The following PRRC2B variants were observed in gnomAD, a reference collection of about 807,000 sequenced individuals.
The protein encoded by PRRC2B is protein PRRC2B.
PRRC2B carries 68 observed loss-of-function variants against 242.3 expected under a neutral mutation model. The observed-to-expected ratio is 0.28, with a 90% CI of 0.23 to 0.34. The LOEUF is 0.34. PRRC2B is among the 10% of genes least tolerant of loss of function. The probability of loss-of-function intolerance (pLI) is 1.00; values close to 1 mark genes in which losing one functional copy is unlikely to be tolerated. For missense variants in PRRC2B, 2,835 were observed against 2,954.8 expected (o/e 0.96, Z 0.94); for synonymous variants, 1,228 against 1,173.6 (o/e 1.05, Z -0.95).
At chr9:131,439,771 G>A (rs576474866) in intron 5 of PRRC2B, among the ~76,000 whole-genome samples, 2 of 152,278 alleles carry the variant, frequency 1.3e-5, no homozygotes, top group South Asian at 2.1e-4. Flanking sequence ...GGTACAGATC[G>A]AGTGCCAGCA....
chr9:131,392,302 T>C (rs1836912317), upstream of PRRC2B, among the ~76,000 whole-genome samples: 1 of 151,934 alleles, frequency 6.6e-6, no homozygotes, highest in Non-Finnish European at 1.5e-5. Context: ...TTTCACCATA[T>C]TGGTCAGGCT....
upstream of PRRC2B, among the ~76,000 whole-genome samples, chr9:131,393,909 C>G (rs1446148265): frequency 6.6e-6 from 1 of 151,220 alleles, no homozygotes; most frequent in African/African-American, 2.4e-5. Context: ...CGCCCCTCCC[C>G]CCTGGCCCCA....
At chr9:131,404,703 A>C (rs1837320109) in intron 1 of PRRC2B, among the ~76,000 whole-genome samples, 1 of 152,198 alleles carries the variant, frequency 6.6e-6, no homozygotes, top group African/African-American at 2.4e-5. Context: ...TCACGTGATA[A>C]AATGTCTCAG....
At chr9:131,402,485 T>C (rs1837252823) in intron 1 of PRRC2B, among the ~76,000 whole-genome samples, 1 of 152,234 alleles carries the variant, frequency 6.6e-6, no homozygotes, top group African/African-American at 2.4e-5. Context: ...ACATTTTATT[T>C]ATTCATTCAG....
intron 1 of PRRC2B, among the ~76,000 whole-genome samples, chr9:131,415,704 T>C (rs180794912): frequency 3.3e-5 from 5 of 152,198 alleles, no homozygotes; most frequent in African/African-American, 1.2e-4. Flanking sequence ...TCATTGTTGC[T>C]CCTGAGAACT....
At chr9:131,450,801 T>C (rs772782087) in intron 9 of PRRC2B, among the ~76,000 whole-genome samples, 1 of 152,044 alleles carries the variant, frequency 6.6e-6, no homozygotes, top group East Asian at 1.9e-4. Flanking sequence ...TTGGCCAGGC[T>C]GATCTCGAAC....
upstream of PRRC2B, among the ~76,000 whole-genome samples, chr9:131,390,733 C>T (rs1314987935): frequency 7.5e-5 from 11 of 145,718 alleles, no homozygotes; most frequent in African/African-American, 2.5e-4. Flanking sequence ...CCACCTGCCT[C>T]GGCCTCCCAA....
upstream of PRRC2B, among the ~76,000 whole-genome samples, chr9:131,389,847 C>G (rs1836874407): frequency 6.7e-6 from 1 of 148,730 alleles, no homozygotes. Context: ...GGTAGAAACT[C>G]TTAGGCACCA....
At chr9:131,477,973 G>T in intron 17 of PRRC2B, 24 bp downstream of exon 17, 1 of 1,604,732 alleles carries the variant, frequency 6.2e-7, no homozygotes, top group South Asian at 1.1e-5. Context: ...ATATCTTCAG[G>T]GGAAAGAACT....
chr9:131,416,514 C>G (rs1229737017), intron 1 of PRRC2B, among the ~76,000 whole-genome samples: 4 of 152,102 alleles, frequency 2.6e-5, no homozygotes, highest in Non-Finnish European at 5.9e-5. Context: ...TTAAACACAT[C>G]TTATGTTAGT....
intron 1 of PRRC2B, among the ~76,000 whole-genome samples, chr9:131,402,946 G>A (rs1203835398): frequency 2.6e-5 from 4 of 152,176 alleles, no homozygotes; most frequent in South Asian, 2.1e-4. Flanking sequence ...CCGGGAAGCC[G>A]GCGTCAACTT....
At chr9:131,479,581 C>A (rs975925416) in intron 19 of PRRC2B, among the ~76,000 whole-genome samples, 188 bp downstream of exon 19, 30 of 132,564 alleles carry the variant, frequency 2.3e-4, no homozygotes, top group African/African-American at 8.0e-4. Flanking sequence ...CTGCAACCCC[C>A]AAACGGATAC....
Position 131,432,706 on chromosome 9 carries a change from G to C in PRRC2B, c.205G>C (p.Glu69Gln). The C allele has an allele frequency of 4.4e-6, 7 of 1,597,274 alleles. No homozygotes were observed. The highest frequency in any genetic ancestry group is 1.1e-5 in the South Asian group (1 of 90,860). The change falls in exon 3 of 32, where the codon GAA becomes CAA. Residue 69 changes from glutamate (E) to glutamine (Q), a missense_variant. This residue lies in a region of PRRC2B where 626 missense variants were observed against 685.5 expected (regional missense o/e 0.91). Transcript: ENST00000683519. ...TGCAAACCTGCCAAGCTTGAAGTCTGAAAACAAAGGAAACGACCCCAACAT... is the reference window on the plus strand; with the variant it reads ...TGCAAACCTGCCAAGCTTGAAGTCTCAAAACAAAGGAAACGACCCCAACAT... ...PPANLPSLKS[E>Q]NKGNDPNIVI...
chr9:131,459,592 A>C (rs2994070), intron 11 of PRRC2B, among the ~76,000 whole-genome samples: 133,882 of 152,010 alleles, frequency 0.88, 59,488 homozygotes, highest in South Asian at 0.97. Flanking sequence ...GGCTGTTCTT[A>C]CTTTTTTTAA....
Position 131,498,974 on chromosome 9 carries a change from T to G in PRRC2B, c.*3100T>G, listed in dbSNP as rs569165277. 1 of 152,318 alleles carries G rather than the reference T, an allele frequency of 6.6e-6. No individual in the cohort carries two copies. Among genetic ancestry groups the G allele is most frequent in the Admixed American group, 6.5e-5 (1 of 15,306 alleles). The allele number at this position is 152,318 out of a possible 1,614,324, so 9.4% of individuals were successfully genotyped here. ...ACTGTTGGCTTCTCCCCACAGCGTT[T>G]TTTGTTTTTTTTTAAACATTCATAT... On this transcript the variant is annotated 3_prime_UTR_variant, in exon 32 of 32. Transcript: ENST00000683519.
rs180782233 is a variant in PRRC2B at position 131,447,571 on chromosome 9, C to G, written c.978-91C>G. 1,122 of 1,234,574 alleles carry G rather than the reference C, an allele frequency of 9.1e-4. 9 individuals are homozygous for G. In the African/African-American group the frequency reaches 0.016, roughly 17 times the overall value. The allele number at this position is 1,234,574 out of a possible 1,614,324, so 76.5% of individuals were successfully genotyped here. A position where few individuals can be genotyped will look rare whatever the true frequency, so the allele number is the denominator to read the frequency against. The stretch of plus-strand genomic sequence containing the variant: ...AGAAATAATTAAATCAAACATGAAC[C>G]TTTGCAGTGTGGAATTTATTTTTGG... On this transcript the variant is annotated intron_variant, in intron 8 of 31. Coordinates refer to ENST00000683519, the MANE Select transcript of PRRC2B (RefSeq NM_013318.4).
chr9:131,431,640 G>A (rs562654682), intron 2 of PRRC2B, among the ~76,000 whole-genome samples: 1,519 of 149,094 alleles, frequency 0.01, 22 homozygotes, highest in Non-Finnish European at 0.013. Context: ...TGGATGGAGT[G>A]CAGTGGCGCA....
At chr9:131,434,307 C>T (rs1228080112) in intron 3 of PRRC2B, among the ~76,000 whole-genome samples, 1 of 152,250 alleles carries the variant, frequency 6.6e-6, no homozygotes, top group South Asian at 2.1e-4. Context: ...ACCAAAAGTT[C>T]TAGAGAGGAC....
chr9:131,461,117 A>C (rs1943229231), intron 11 of PRRC2B, among the ~76,000 whole-genome samples: 2 of 152,084 alleles, frequency 1.3e-5, no homozygotes, highest in Non-Finnish European at 2.9e-5. Context: ...GGGAGAATCT[A>C]TCTCTCATCG....
Sources: gnomAD v4.1 joint callset for allele counts (sites outside exome capture counted in the v4.1 genomes callset) on GRCh38, gnomAD v4.1.1 for gene constraint, gnomAD v4.1.1 regional missense constraint, MANE v1.5 for transcripts, NCBI Gene and HGNC (gene_info 2026-07-23, HGNC 2026-07-21) for gene names.